LRP1B: variants seen among roughly 807,000 people sequenced by gnomAD.
The protein encoded by LRP1B is LDL receptor related protein 1B, also known as low-density lipoprotein receptor-related protein 1B.
In LRP1B, 217 loss-of-function variants were observed where a neutral mutation model predicts 556.6. The ratio of observed to expected loss-of-function variants is 0.39; its 90% CI spans 0.35 to 0.44. LRP1B has a LOEUF of 0.44. Among genes scored for constraint, LRP1B ranks in the 20% least tolerant of loss-of-function variants. The probability of loss-of-function intolerance (pLI) is 1.00; values close to 1 mark genes in which losing one functional copy is unlikely to be tolerated. For missense variants in LRP1B, 5,053 were observed against 5,620.8 expected (o/e 0.90, Z 3.23); for synonymous variants, 2,047 against 1,865.8 (o/e 1.10, Z -2.50).
chr2:140,894,404 T>C (rs776679462), intron 23 of LRP1B, among the ~76,000 whole-genome samples: 25 of 152,132 alleles, frequency 1.6e-4, no homozygotes, highest in Admixed American at 1.2e-3. Flanking sequence ...GTGCAGATGC[T>C]GCTTAATTGT....
chr2:141,290,323 A>C (rs946931747), intron 3 of LRP1B, among the ~76,000 whole-genome samples: 1 of 152,174 alleles, frequency 6.6e-6, no homozygotes, highest in East Asian at 1.9e-4. Context: ...AAATACTACC[A>C]GAAAATGCTA....
rs1411927744 is a variant in LRP1B, at chr2:140,727,165, G to A, written c.5759-10349C>T. On this transcript the variant is annotated intron_variant, in intron 35 of 90. Transcript: ENST00000389484. ...TAAATAGTAATAAACCTGTATTTTAGGTGAAATCTCTTTTTGAGTAGATTG... is the reference window on the plus strand; with the variant it reads ...TAAATAGTAATAAACCTGTATTTTAAGTGAAATCTCTTTTTGAGTAGATTG... 2.0e-5 allele frequency among the ~76,000 whole-genome samples: 3 copies of A among 152,070 alleles called. No homozygotes were observed. The East Asian group carries it at 5.8e-4, about 29-fold the overall frequency.
At chr2:141,243,156 C>T (rs547187218) in intron 5 of LRP1B, among the ~76,000 whole-genome samples, 91 of 104,702 alleles carry the variant, frequency 8.7e-4, no homozygotes, top group Admixed American at 1.9e-3. Flanking sequence ...TTTTTTTTTT[C>T]ATATGACAAG....
At chr2:140,768,663 C>T (rs1020090173) in intron 35 of LRP1B, among the ~76,000 whole-genome samples, 1 of 151,916 alleles carries the variant, frequency 6.6e-6, no homozygotes, top group Non-Finnish European at 1.5e-5. Context: ...CGCTTTGCTT[C>T]CTGTTGCTTC....
chr2:140,874,566 C>G (rs1185613007), intron 25 of LRP1B, among the ~76,000 whole-genome samples: 1 of 151,910 alleles, frequency 6.6e-6, no homozygotes, highest in Non-Finnish European at 1.5e-5. Flanking sequence ...CAAAACAACT[C>G]CTATGTCATT....
At chr2:141,854,467 A>G (rs922544111) in intron 1 of LRP1B, among the ~76,000 whole-genome samples, 3 of 152,124 alleles carry the variant, frequency 2.0e-5, no homozygotes, top group African/African-American at 7.2e-5. Context: ...CCATACATGA[A>G]TAACTCGTAA....
intron 47 of LRP1B, 74 bp from the exon 48 acceptor site, chr2:140,526,424 C>A: frequency 1.0e-6 from 1 of 975,596 alleles, no homozygotes; most frequent in Middle Eastern, 2.1e-4. Context: ...TTGAATATTT[C>A]AATTATTTTA....
intron 43 of LRP1B, among the ~76,000 whole-genome samples, chr2:140,556,922 G>T (rs972498065): frequency 6.6e-6 from 1 of 151,982 alleles, no homozygotes; most frequent in Non-Finnish European, 1.5e-5. Flanking sequence ...GGGAAAGTAA[G>T]TTCTGTATTT....
chr2:140,756,572 TA>T (rs1688747108), intron 35 of LRP1B, among the ~76,000 whole-genome samples: 1 of 152,102 alleles, frequency 6.6e-6, no homozygotes, highest in Non-Finnish European at 1.5e-5. Context: ...GATAATTTAA[TA>T]GTGGAAAGAC....
intron 7 of LRP1B, among the ~76,000 whole-genome samples, chr2:141,136,841 G>A (rs894059368): frequency 2.6e-5 from 4 of 151,784 alleles, no homozygotes; most frequent in African/African-American, 9.7e-5. Context: ...GGTATATCAG[G>A]AGAGAAGTAC....
chr2:140,564,762 A>G (rs1292855413), intron 43 of LRP1B, among the ~76,000 whole-genome samples: 1 of 152,110 alleles, frequency 6.6e-6, no homozygotes, highest in African/African-American at 2.4e-5. Context: ...TATACAGTTT[A>G]ATTAAAAATC....
Position 140,234,785 on chromosome 2 carries a change from C to A in LRP1B, c.13659+1G>T, listed in dbSNP as rs1229502218. ...TGAAATAACGAATATTCTTCTCTCA[C>A]CCCAGCAGTTAGTGGTCCTTTCAAA... is the stretch of plus-strand genomic sequence containing the variant. On this transcript the variant is annotated splice_donor_variant, in intron 90 of 90. Transcript: ENST00000389484. LOFTEE classifies it high-confidence loss of function. 1 of 773,974 alleles carries A rather than the reference C, an allele frequency of 1.3e-6. No individual in the cohort carries two copies. The highest frequency in any genetic ancestry group is 1.3e-5 in the South Asian group (1 of 74,226). The allele number at this position is 773,974 out of a possible 1,614,324, so 47.9% of individuals were successfully genotyped here.
intron 29 of LRP1B, among the ~76,000 whole-genome samples, chr2:140,849,321 G>A (rs1471968323): frequency 3.3e-5 from 5 of 149,676 alleles, no homozygotes; most frequent in Admixed American, 6.7e-5. Flanking sequence ...GCAGTGAGCC[G>A]AGATCGTGCC....
intron 23 of LRP1B, among the ~76,000 whole-genome samples, chr2:140,900,457 T>C (rs1694073040): frequency 6.6e-6 from 1 of 152,196 alleles, no homozygotes; most frequent in Non-Finnish European, 1.5e-5. Flanking sequence ...TGTGAGAATA[T>C]TGAAGAAGAA....
At chr2:140,520,994 T>C (rs1405540343) in intron 49 of LRP1B, among the ~76,000 whole-genome samples, 1 of 151,342 alleles carries the variant, frequency 6.6e-6, no homozygotes, top group African/African-American at 2.4e-5. Flanking sequence ...TTAATTTTTT[T>C]CAAAAATAAA....
chr2:141,726,736 G>A (rs1693052344), intron 2 of LRP1B, among the ~76,000 whole-genome samples: 1 of 151,920 alleles, frequency 6.6e-6, no homozygotes, highest in South Asian at 2.1e-4. Context: ...TTCCCCCAGT[G>A]GAATAACAGT....
intron 41 of LRP1B, among the ~76,000 whole-genome samples, chr2:140,677,077 T>C (rs181276166): frequency 6.6e-6 from 1 of 152,342 alleles, no homozygotes; most frequent in East Asian, 1.9e-4. Flanking sequence ...AGATTAGCAA[T>C]GGCATTTATA....
At chr2:140,929,571 C>A (rs1694987203) in intron 20 of LRP1B, among the ~76,000 whole-genome samples, 1 of 151,988 alleles carries the variant, frequency 6.6e-6, no homozygotes, top group East Asian at 1.9e-4. Flanking sequence ...CATTTGGGAA[C>A]CACAGAAAGA....
chr2:140,952,136 G>A (rs1695735145), intron 18 of LRP1B, among the ~76,000 whole-genome samples, 196 bp from the exon 19 acceptor site: 1 of 152,106 alleles, frequency 6.6e-6, no homozygotes, highest in African/African-American at 2.4e-5. Context: ...TACTTTAAAT[G>A]AGTGCTTTCC....
Sources: allele counts gnomAD v4.1 joint callset (sites outside exome capture counted in the v4.1 genomes callset), GRCh38; gene constraint gnomAD v4.1.1; transcripts MANE v1.5; gene names NCBI Gene and HGNC (gene_info 2026-07-23, HGNC 2026-07-21).